Variants in EYS observed in about 807,000 individuals in gnomAD.
The protein encoded by EYS is EGF-like photoreceptor maintenance factor.
Under a neutral mutation model 282.1 loss-of-function variants are expected in EYS, and 250 were observed. That is an observed-to-expected ratio of 0.89 (90% CI 0.80 to 0.98). EYS has a LOEUF of 0.98. Among genes scored for constraint, EYS ranks in the 50% least tolerant of loss-of-function variants. The pLI is 0.00. For missense variants in EYS, 4,016 were observed against 3,709.0 expected (o/e 1.08, Z -2.15); for synonymous variants, 1,355 against 1,282.9 (o/e 1.06, Z -1.20).
chr6:64,523,755 T>C (rs1010036035), intron 26 of EYS, among the ~76,000 whole-genome samples: 11 of 151,714 alleles, frequency 7.3e-5, no homozygotes, highest in African/African-American at 2.2e-4. Context: ...ATGATGAATA[T>C]CCAAAATTCA....
intron 26 of EYS, among the ~76,000 whole-genome samples, chr6:64,506,977 T>G (rs1344101353): frequency 9.3e-5 from 14 of 149,952 alleles, no homozygotes; most frequent in Non-Finnish European, 1.6e-4. Flanking sequence ...TTCAGTTTTT[T>G]TTTTTTTTTT....
intron 2 of EYS, among the ~76,000 whole-genome samples, chr6:65,577,225 A>G (rs1764701889): frequency 1.3e-5 from 2 of 151,942 alleles, no homozygotes; most frequent in East Asian, 3.9e-4. Flanking sequence ...ACAAGCAAAC[A>G]AACAAAAACC....
intron 2 of EYS, among the ~76,000 whole-genome samples, chr6:65,499,833 T>A (rs1193120880): frequency 6.6e-6 from 1 of 151,876 alleles, no homozygotes; most frequent in African/African-American, 2.4e-5. Context: ...TATTCATATT[T>A]TTTAAGGGAG....
chr6:63,770,435 A>G (rs951689650), intron 40 of EYS, among the ~76,000 whole-genome samples: 1 of 152,146 alleles, frequency 6.6e-6, no homozygotes, highest in African/African-American at 2.4e-5. Context: ...TGGGTTTTCT[A>G]TGCATAAGCA....
chr6:64,097,781 GC>G (rs1252529533), intron 31 of EYS, among the ~76,000 whole-genome samples: 3 of 152,168 alleles, frequency 2.0e-5, no homozygotes, highest in Non-Finnish European at 4.4e-5. Flanking sequence ...GTTTCCTACA[GC>G]CATGCTAATG....
chr6:64,875,443 T>C (rs1325696757), intron 19 of EYS, among the ~76,000 whole-genome samples: 2 of 152,130 alleles, frequency 1.3e-5, no homozygotes, highest in African/African-American at 4.8e-5. Context: ...TCTTCTTCCT[T>C]GTCCAGCCTC....
chr6:64,124,388 T>C (rs1335370851), intron 31 of EYS, among the ~76,000 whole-genome samples: 1 of 152,194 alleles, frequency 6.6e-6, no homozygotes, highest in Non-Finnish European at 1.5e-5. Flanking sequence ...TAGAAACAAA[T>C]GAAAAGTAAG....
At chr6:63,855,908 T>A (rs1772377801) in intron 36 of EYS, among the ~76,000 whole-genome samples, 1 of 151,634 alleles carries the variant, frequency 6.6e-6, no homozygotes, top group Non-Finnish European at 1.5e-5. Flanking sequence ...AAACACACAA[T>A]ATAAGCATGT....
At chr6:64,845,000 C>G (rs144337799) in intron 19 of EYS, among the ~76,000 whole-genome samples, 2 of 152,060 alleles carry the variant, frequency 1.3e-5, no homozygotes, top group African/African-American at 2.4e-5. Flanking sequence ...AACACCTAAT[C>G]AAATAAATTT....
At chr6:64,706,946 C>A (rs957930309) in intron 22 of EYS, among the ~76,000 whole-genome samples, 9 of 152,076 alleles carry the variant, frequency 5.9e-5, no homozygotes, top group African/African-American at 2.2e-4. Context: ...CCATTTGATT[C>A]AGCAACCCCA....
At chr6:64,821,398 G>A (rs1004259989) in intron 21 of EYS, among the ~76,000 whole-genome samples, 1 of 151,854 alleles carries the variant, frequency 6.6e-6, no homozygotes, top group African/African-American at 2.4e-5. Context: ...GGGGCGGTCG[G>A]CGGGAGGGAG....
At chr6:65,598,113 C>A (rs941086437) in intron 2 of EYS, among the ~76,000 whole-genome samples, 13 of 136,088 alleles carry the variant, frequency 9.6e-5, no homozygotes, top group Non-Finnish European at 2.0e-4. Context: ...AAAAACAAAA[C>A]AAAACAAAAC....
chr6:63,853,603 T>G (rs1249296348), intron 36 of EYS, among the ~76,000 whole-genome samples: 1 of 152,170 alleles, frequency 6.6e-6, no homozygotes, highest in Admixed American at 6.5e-5. Flanking sequence ...AAGCTACCAT[T>G]GACTTTCTTC....
At chr6:65,199,259 G>A (rs1337039480) in intron 12 of EYS, among the ~76,000 whole-genome samples, 1 of 152,072 alleles carries the variant, frequency 6.6e-6, no homozygotes, top group African/African-American at 2.4e-5. Context: ...GATGATGCTT[G>A]TTTTACTTGA....
At chr6:63,871,779 G>A (rs1772811516) in intron 35 of EYS, among the ~76,000 whole-genome samples, 1 of 152,154 alleles carries the variant, frequency 6.6e-6, no homozygotes, top group South Asian at 2.1e-4. Context: ...CAACTGGGGG[G>A]ATGTTAAGCT....
chr6:64,145,876 G>A (rs1271540741), intron 31 of EYS, among the ~76,000 whole-genome samples: 1 of 152,080 alleles, frequency 6.6e-6, no homozygotes, highest in Non-Finnish European at 1.5e-5. Flanking sequence ...TTATCATAAA[G>A]CTCATGTAGC....
intron 12 of EYS, among the ~76,000 whole-genome samples, chr6:65,253,803 A>G (rs1767389291): frequency 6.6e-6 from 1 of 151,826 alleles, no homozygotes; most frequent in Non-Finnish European, 1.5e-5. Context: ...AAGAGTACAC[A>G]TTGTAAATGG....
intron 29 of EYS, among the ~76,000 whole-genome samples, chr6:64,388,238 G>C (rs574845214): frequency 6.6e-6 from 1 of 152,160 alleles, no homozygotes; most frequent in South Asian, 2.1e-4. Flanking sequence ...TGGCATGTGG[G>C]AAAAACTCTG....
chr6:64,535,324 A>G (rs537072595), intron 26 of EYS, among the ~76,000 whole-genome samples: 1 of 152,324 alleles, frequency 6.6e-6, no homozygotes, highest in South Asian at 2.1e-4. Flanking sequence ...TTATGAAATC[A>G]TAAATGAACA....
Sources: allele counts gnomAD v4.1 joint callset (sites outside exome capture counted in the v4.1 genomes callset), GRCh38; gene constraint gnomAD v4.1.1; transcripts MANE v1.5; gene names NCBI Gene and HGNC (gene_info 2026-07-23, HGNC 2026-07-21).